NXPH4: variants seen among roughly 807,000 people sequenced by gnomAD.
NXPH4 encodes neurexophilin 4, also known as neurexophilin-4.
A neutral mutation model predicts 21.3 loss-of-function variants in NXPH4; 8 were observed. The observed-to-expected ratio is 0.38, with a 90% CI of 0.22 to 0.68. The LOEUF (loss-of-function observed/expected upper bound fraction) is 0.68, where lower values mean the gene tolerates loss of function less well. Ranked by LOEUF, NXPH4 falls within the 30% of genes least tolerant of loss-of-function variation. The pLI is 0.53. For missense variants in NXPH4, 418 were observed against 416.8 expected, an observed-to-expected ratio of 1.00 and a Z score of -0.03; for synonymous variants, 219 against 192.6, an observed-to-expected ratio of 1.14 and a Z score of -1.13.
Position 57,226,020 on chromosome 12 carries a change from C to T in NXPH4, c.*273C>T. The T allele has an allele frequency of 8.9e-7, 1 of 1,123,976 alleles. No homozygotes were observed. The highest frequency in any genetic ancestry group is 1.2e-6 in the Non-Finnish European group (1 of 829,308). The allele number at this position is 1,123,976 out of a possible 1,614,324, so 69.6% of individuals were successfully genotyped here. ...AATAGGCGGGGCTTGGAGGCGGTCCCAATGTCCCCTGGGTCCACAGTGGGT... is the reference window on the plus strand; with the variant it reads ...AATAGGCGGGGCTTGGAGGCGGTCCTAATGTCCCCTGGGTCCACAGTGGGT... On this transcript the variant is annotated 3_prime_UTR_variant, in exon 2 of 2. Coordinates refer to ENST00000349394, the MANE Select transcript of NXPH4 (RefSeq NM_007224.4).
chr12:57,220,931 A>C (rs2037085257), intron 1 of NXPH4, among the ~76,000 whole-genome samples: 1 of 138,868 alleles, frequency 7.2e-6, no homozygotes. Context: ...TCCCTCATCC[A>C]CCATTCCTGT....
intron 1 of NXPH4, among the ~76,000 whole-genome samples, chr12:57,219,051 T>C (rs1426683929): frequency 6.6e-6 from 1 of 152,034 alleles, no homozygotes; most frequent in Non-Finnish European, 1.5e-5. Flanking sequence ...TGTATCTGAG[T>C]GTGGCTTATG....
At position 57,225,369 on chromosome 12, in the gene NXPH4, G is replaced by T. The variant is rs758047263; in HGVS notation, c.549G>T (p.Glu183Asp). The T allele has an allele frequency of 5.0e-6, 8 of 1,589,380 alleles. No homozygotes were observed. Among genetic ancestry groups the T allele is most frequent in the South Asian group, 1.1e-5 (1 of 87,406 alleles). The stretch of plus-strand genomic sequence containing the variant: ...CTCTGCAGTCTACGCTCGCCCTGGA[G>T]GGGGTGCTTCCTGGGCTGGGGCCCC... ...PHPLQSTLAL[E>D]GVLPGLGPPL... is the part of the protein sequence containing the mutation. Residue 183 changes from glutamate to aspartate, a missense_variant, in exon 2 of 2, where the codon GAG becomes GAT. Glu to Asp is a conservative substitution (Grantham distance 45, BLOSUM62 2). Coordinates refer to ENST00000349394, the MANE Select transcript of NXPH4 (RefSeq NM_007224.4).
intron 1 of NXPH4, 91 bp downstream of exon 1, chr12:57,217,117 G>A: frequency 3.4e-6 from 4 of 1,188,434 alleles, no homozygotes; most frequent in African/African-American, 1.6e-5. Flanking sequence ...CGCCCGCCCC[G>A]CCCCCAGCTC....
rs1267197138 is a variant in NXPH4 at position 57,225,657 on chromosome 12, C to T, written c.837C>T (p.Ile279=). Residue 279 remains isoleucine (I), a synonymous_variant, in exon 2 of 2, where the codon ATC becomes ATT. Coordinates refer to ENST00000349394, the MANE Select transcript of NXPH4 (RefSeq NM_007224.4). ...CCAAGCCCTTCAAAGTCATCTGTAT[C>T]TTCGTCTCTTTCCTCAGCTTTGACT... ...LCAKPFKVIC[I]FVSFLSFDYK... is the part of the protein sequence containing the mutation. 10 of 1,613,770 alleles carry T rather than the reference C, an allele frequency of 6.2e-6. No homozygotes were observed. Among genetic ancestry groups the T allele is most frequent in the African/African-American group, 1.3e-5 (1 of 74,924 alleles).
chr12:57,224,570 C>T (rs1455550213), intron 1 of NXPH4, among the ~76,000 whole-genome samples: 1 of 152,242 alleles, frequency 6.6e-6, no homozygotes, highest in Non-Finnish European at 1.5e-5. Context: ...GAGCTCCACT[C>T]CCTACTCACC....
chr12:57,226,056 C>T lies in NXPH4; in HGVS notation c.*309C>T. The T allele has an allele frequency of 1.4e-6, 1 of 729,634 alleles. No homozygotes were observed. Among genetic ancestry groups the T allele is most frequent in the Non-Finnish European group, 2.1e-6 (1 of 484,006 alleles). 45.2% of individuals were successfully genotyped at this position (729,634 alleles called of 1,614,324 possible). ...GGGTCCACAGTGGGTCCCCTTTTCA[C>T]CCTTGGCGCTAGGCTGCGCACTCCC... On this transcript the variant is annotated 3_prime_UTR_variant, in exon 2 of 2. Coordinates refer to ENST00000349394, the MANE Select transcript of NXPH4 (RefSeq NM_007224.4).
chr12:57,221,026 G>A (rs1007470258), intron 1 of NXPH4, among the ~76,000 whole-genome samples: 1 of 151,646 alleles, frequency 6.6e-6, no homozygotes. Context: ...TCTGCCCCAC[G>A]CCTGGCCACC....
rs200554736 is a variant in NXPH4, at chr12:57,225,309, C to T, written c.489C>T (p.Phe163=). The stretch of plus-strand genomic sequence containing the variant: ...TGCCGCCCTCCAAGCGTGTCGAGTT[C>T]GGAGGAGTCTGGCTGCCCGGGCCTG... ...SIVPPSKRVE[F]GGVWLPGPVP... The change falls in exon 2 of 2, where the codon TTC becomes TTT. Residue 163 remains phenylalanine, a synonymous_variant. Coordinates refer to ENST00000349394, the MANE Select transcript of NXPH4 (RefSeq NM_007224.4). The T allele has an allele frequency of 1.3e-6, 2 of 1,556,464 alleles. No individual in the cohort carries two copies. Among genetic ancestry groups the T allele is most frequent in the East Asian group, 2.3e-5 (1 of 44,426 alleles).
At chr12:57,223,439 C>G (rs2037111109) in intron 1 of NXPH4, among the ~76,000 whole-genome samples, 1 of 152,092 alleles carries the variant, frequency 6.6e-6, no homozygotes, top group African/African-American at 2.4e-5. Flanking sequence ...CACACACACA[C>G]AGGCTCCTCA....
Position 57,225,748 on chromosome 12 carries a change from C to G in NXPH4, c.*1C>G, listed in dbSNP as rs770399720. ...GAGTGAGCACCCCTACTTCGGATAG[C>G]GCCCCTCCCCAGCCAGTCCTGAGCC... is the stretch of plus-strand genomic sequence containing the variant. On this transcript the variant is annotated 3_prime_UTR_variant, in exon 2 of 2. Transcript: ENST00000349394. The G allele has an allele frequency of 6.2e-7, 1 of 1,606,538 alleles. No homozygotes were observed. The highest frequency in any genetic ancestry group is 1.7e-5 in the Admixed American group (1 of 59,868).
rs2037144449 is a variant in NXPH4, at chr12:57,225,978, TAA to T, written c.*232_*233del. On this transcript the variant is annotated 3_prime_UTR_variant, in exon 2 of 2. Transcript: ENST00000349394. ...CCAGTACACCCCAAAGTGAAAGGGATAAGAGTGCAGCCCCAGAATAGGCGGGG... is the reference window on the plus strand; with the variant it reads ...CCAGTACACCCCAAAGTGAAAGGGATGAGTGCAGCCCCAGAATAGGCGGGG... 2.2e-6 allele frequency: 3 copies of T among 1,389,942 alleles called. No individual in the cohort carries two copies. The highest frequency in any genetic ancestry group is 3.2e-5 in the South Asian group (2 of 62,694). The allele number at this position is 1,389,942 out of a possible 1,614,324, so 86.1% of individuals were successfully genotyped here.
chr12:57,224,849 GTC>G lies in NXPH4; in HGVS notation c.58-20_58-19del, dbSNP rs745896523. 31 of 672,516 alleles carry G rather than the reference GTC, an allele frequency of 4.6e-5. No homozygotes were observed. The African/African-American group carries it at 5.4e-4, about 12-fold the overall frequency. The allele number at this position is 672,516 out of a possible 1,614,324, so 41.7% of individuals were successfully genotyped here. A position where few individuals can be genotyped will look rare whatever the true frequency, so the allele number is the denominator to read the frequency against. ...CAGGATGGCGGGGGACAACCCCAGCGTCTCTCTCTCCTCTTTCTTCGTGCACA... is the reference window on the plus strand; with the variant it reads ...CAGGATGGCGGGGGACAACCCCAGCGTCTCTCTCCTCTTTCTTCGTGCACA... On this transcript the variant is annotated intron_variant, in intron 1 of 1. Transcript: ENST00000349394.
Position 57,225,340 on chromosome 12 carries a change from C to G in NXPH4, c.520C>G (p.His174Asp), listed in dbSNP as rs1032201869. 6 of 1,572,892 alleles carry G rather than the reference C, an allele frequency of 3.8e-6. No homozygotes were observed. The highest frequency in any genetic ancestry group is 3.5e-5 in the Admixed American group (2 of 56,462). Reference sequence around the variant, plus strand: ...AGTCTGGCTGCCCGGGCCTGTCCCCCACCCTCTGCAGTCTACGCTCGCCCT... The same window carrying G: ...AGTCTGGCTGCCCGGGCCTGTCCCCGACCCTCTGCAGTCTACGCTCGCCCT... ...GGVWLPGPVP[H>D]PLQSTLALEG... Residue 174 changes from histidine to aspartate, a missense_variant, in exon 2 of 2, where the codon CAC becomes GAC. His to Asp is a moderately conservative substitution (Grantham distance 81). Coordinates refer to ENST00000349394, the MANE Select transcript of NXPH4 (RefSeq NM_007224.4).
chr12:57,221,814 C>T (rs1216627886), intron 1 of NXPH4, among the ~76,000 whole-genome samples: 1 of 152,204 alleles, frequency 6.6e-6, no homozygotes. Flanking sequence ...GAGCTCTGGG[C>T]AGAGGAGCTC....
chr12:57,217,481 G>A lies in NXPH4; in HGVS notation c.57+455G>A, dbSNP rs115828722. 2.9e-3 allele frequency among the ~76,000 whole-genome samples: 444 copies of A among 152,298 alleles called. 1 individual carries two copies. Among genetic ancestry groups the A allele is most frequent in the African/African-American group, 0.01 (428 of 41,556 alleles). Reference sequence around the variant, plus strand: ...CACCATGCCAGGTGGGCTCTGTGTCGGGAGCATCCATGGCCCGAGCACACA... The same window carrying A: ...CACCATGCCAGGTGGGCTCTGTGTCAGGAGCATCCATGGCCCGAGCACACA... On this transcript the variant is annotated intron_variant, in intron 1 of 1. Coordinates refer to ENST00000349394, the MANE Select transcript of NXPH4 (RefSeq NM_007224.4).
At chr12:57,220,063 G>A (rs541762508) in intron 1 of NXPH4, 1 of 152,678 alleles carries the variant, frequency 6.5e-6, no homozygotes, top group Admixed American at 6.5e-5. Flanking sequence ...AACTCAAGAT[G>A]TGTGGGATCC....
intron 1 of NXPH4, among the ~76,000 whole-genome samples, chr12:57,219,071 G>C (rs1453377232): frequency 6.6e-6 from 1 of 152,152 alleles, no homozygotes; most frequent in Non-Finnish European, 1.5e-5. Context: ...GTGTGTGGGT[G>C]CTCAAGGGTG....
chr12:57,221,868 C>A (rs1475620078), intron 1 of NXPH4, among the ~76,000 whole-genome samples: 1 of 152,122 alleles, frequency 6.6e-6, no homozygotes, highest in African/African-American at 2.4e-5. Flanking sequence ...CCCCATGTTG[C>A]TGGAGACAGA....
Sources: gnomAD v4.1 joint callset for allele counts (sites outside exome capture counted in the v4.1 genomes callset) on GRCh38, gnomAD v4.1.1 for gene constraint, MANE v1.5 for transcripts, NCBI Gene and HGNC (gene_info 2026-07-23, HGNC 2026-07-21) for gene names.